The following DYNLL1 variants were observed in gnomAD, a reference collection of about 807,000 sequenced individuals.
DYNLL1 encodes the protein dynein light chain LC8-type 1, also known as dynein light chain 1, cytoplasmic.
In DYNLL1, 3 loss-of-function variants were observed where a neutral mutation model predicts 10.1. That is an observed-to-expected ratio of 0.30 (90% CI 0.14 to 0.77). The LOEUF is 0.77. Ranked by LOEUF, DYNLL1 falls within the 30% of genes least tolerant of loss-of-function variation. The pLI, the probability that DYNLL1 is intolerant of heterozygous loss-of-function variation, is 0.66. For missense variants in DYNLL1, 47 were observed against 111.7 expected, an observed-to-expected ratio of 0.42 and a Z score of 2.61; for synonymous variants, 46 against 41.2, an observed-to-expected ratio of 1.12 and a Z score of -0.45.
intron 1 of DYNLL1, among the ~76,000 whole-genome samples, chr12:120,479,697 A>G (rs1331882294): frequency 6.6e-6 from 1 of 152,088 alleles, no homozygotes; most frequent in Non-Finnish European, 1.5e-5. Context: ...ACAGAAAGAA[A>G]GCACTGCAAA....
intron 1 of DYNLL1, among the ~76,000 whole-genome samples, chr12:120,485,105 A>T (rs1878963281): frequency 6.6e-6 from 1 of 152,108 alleles, no homozygotes; most frequent in South Asian, 2.1e-4. Context: ...TAATCCCAGC[A>T]CTTTGGGAGG....
rs536587503 is a variant in DYNLL1, at chr12:120,474,204, G to C, written c.-7+4100G>C. ...AGTCCCAGCTACTTGGGAGGCTGAG[G>C]GGGGAGAATCACTTAAGCCCAGGAG... On this transcript the variant is annotated intron_variant, in intron 1 of 2. Transcript: ENST00000392509. Among the ~76,000 whole-genome samples, 30 of 151,854 alleles carry C rather than the reference G, an allele frequency of 2.0e-4. No homozygotes were observed. In the East Asian group the frequency reaches 5.4e-3, roughly 28 times the overall value.
intron 1 of DYNLL1, among the ~76,000 whole-genome samples, chr12:120,484,716 T>G (rs533786334): frequency 1.3e-5 from 2 of 152,136 alleles, no homozygotes; most frequent in African/African-American, 4.8e-5. Context: ...TGATAAGTGA[T>G]TGTTTCAAGA....
intron 1 of DYNLL1, among the ~76,000 whole-genome samples, chr12:120,484,409 T>C (rs1416179258): frequency 6.6e-6 from 1 of 152,088 alleles, no homozygotes; most frequent in African/African-American, 2.4e-5. Flanking sequence ...ATAAAGTAGA[T>C]TTATATATCG....
chr12:120,472,263 T>A (rs1005301302), intron 1 of DYNLL1, among the ~76,000 whole-genome samples: 2 of 152,222 alleles, frequency 1.3e-5, no homozygotes, highest in African/African-American at 4.8e-5. Context: ...TTATTTATGC[T>A]TTTCTGTATT....
At chr12:120,470,921 T>C (rs1188489252) in intron 1 of DYNLL1, among the ~76,000 whole-genome samples, 1 of 152,090 alleles carries the variant, frequency 6.6e-6, no homozygotes, top group Non-Finnish European at 1.5e-5. Flanking sequence ...GGCGTGTTCC[T>C]ATAATCCCAG....
upstream of DYNLL1, chr12:120,495,888 C>A (rs1358659855): frequency 1.2e-5 from 2 of 166,682 alleles, no homozygotes; most frequent in South Asian, 1.4e-4. Flanking sequence ...GTGTGGGCCT[C>A]GTAGCGTGCG....
At chr12:120,485,597 T>C (rs1347571461) in intron 1 of DYNLL1, among the ~76,000 whole-genome samples, 1 of 151,838 alleles carries the variant, frequency 6.6e-6, no homozygotes, top group Non-Finnish European at 1.5e-5. Context: ...ACCAGCACTT[T>C]TGGAGGCCAA....
In DYNLL1 at chr12:120,497,847, G is replaced by C. The variant is rs563521064; in HGVS notation, c.133-226G>C. On this transcript the variant is annotated intron_variant, in intron 2 of 2. Coordinates refer to ENST00000242577, the MANE Select transcript of DYNLL1 (RefSeq NM_003746.3). ...ACCCTGTCTTTAGGGCTGACCTTTC[G>C]TCCTTTGACCTCCTCAGCCTCCATT... 20 of 533,294 alleles carry C rather than the reference G, an allele frequency of 3.8e-5. No homozygotes were observed. The Admixed American group carries it at 4.3e-4, about 11-fold the overall frequency. The allele number at this position is 533,294 out of a possible 1,614,324, so 33.0% of individuals were successfully genotyped here. A position where few individuals can be genotyped will look rare whatever the true frequency, so the allele number is the denominator to read the frequency against.
intron 1 of DYNLL1, among the ~76,000 whole-genome samples, chr12:120,486,945 A>G (rs893120354): frequency 1.3e-5 from 2 of 150,990 alleles, no homozygotes; most frequent in Non-Finnish European, 2.9e-5. Context: ...GGAGGATGAG[A>G]GAGAGACCTC....
chr12:120,481,772 C>T (rs955804441), intron 1 of DYNLL1, among the ~76,000 whole-genome samples: 7 of 152,342 alleles, frequency 4.6e-5, no homozygotes, highest in African/African-American at 1.7e-4. Context: ...TGAAAGTTTC[C>T]ATCTCTAGTA....
chr12:120,471,210 CAA>C (rs528588508), intron 1 of DYNLL1, among the ~76,000 whole-genome samples: 9 of 132,214 alleles, frequency 6.8e-5, no homozygotes, highest in Admixed American at 1.5e-4. Flanking sequence ...ACTAAAAATA[CAA>C]AAAAAAAAAA....
chr12:120,480,884 C>T (rs1453532292), intron 1 of DYNLL1, among the ~76,000 whole-genome samples: 2 of 151,934 alleles, frequency 1.3e-5, no homozygotes, highest in Non-Finnish European at 2.9e-5. Flanking sequence ...CTCAGCCTCC[C>T]GAGTAGCTGG....
At chr12:120,489,368 C>T (rs1391463415) in intron 1 of DYNLL1, among the ~76,000 whole-genome samples, 2 of 152,252 alleles carry the variant, frequency 1.3e-5, no homozygotes, top group African/African-American at 4.8e-5. Flanking sequence ...ACTTCCCCAT[C>T]TCAATCTATT....
intron 2 of DYNLL1, chr12:120,496,936 T>G (rs1376076824): frequency 3.4e-4 from 30 of 89,270 alleles, no homozygotes; most frequent in Middle Eastern, 4.1e-3. Context: ...AGCCTTCCAG[T>G]GGGGAGTTGA....
At chr12:120,485,946 A>G (rs997523686) in intron 1 of DYNLL1, among the ~76,000 whole-genome samples, 4 of 151,994 alleles carry the variant, frequency 2.6e-5, no homozygotes, top group Non-Finnish European at 4.4e-5. Flanking sequence ...AATATTGACA[A>G]TGGTTATCTC....
intron 1 of DYNLL1, among the ~76,000 whole-genome samples, chr12:120,471,483 C>T (rs904619708): frequency 1.3e-5 from 2 of 152,126 alleles, no homozygotes; most frequent in Admixed American, 6.5e-5. Context: ...AAAATCAAAA[C>T]AAACCAAAGA....
upstream of DYNLL1, chr12:120,469,849 C>T (rs1878601128): frequency 1.9e-5 from 5 of 260,190 alleles, no homozygotes; most frequent in Non-Finnish European, 2.9e-5. Flanking sequence ...GGCCTTCGGG[C>T]GCTGACAGGG....
At chr12:120,474,872 C>A in intron 1 of DYNLL1, among the ~76,000 whole-genome samples, 1 of 152,158 alleles carries the variant, frequency 6.6e-6, no homozygotes, top group East Asian at 1.9e-4. Context: ...GGTCACAGCA[C>A]CCTGGGAGCT....
Sources: allele counts gnomAD v4.1 joint callset (sites outside exome capture counted in the v4.1 genomes callset), GRCh38; gene constraint gnomAD v4.1.1; transcripts MANE v1.5; gene names NCBI Gene and HGNC (gene_info 2026-07-23, HGNC 2026-07-21).